Variants in FOXP2 observed in about 807,000 individuals in gnomAD.
FOXP2 encodes the protein forkhead box P2, also known as forkhead box protein P2.
In FOXP2, 12 loss-of-function variants were observed where a neutral mutation model predicts 115.8. The ratio of observed to expected loss-of-function variants is 0.10; its 90% confidence interval spans 0.07 to 0.17. FOXP2 has a LOEUF of 0.17. Ranked by LOEUF, FOXP2 falls within the 10% of genes least tolerant of loss-of-function variation. The pLI is 1.00. For missense variants in FOXP2, 629 were observed against 843.5 expected (o/e 0.75, Z 3.15); for synonymous variants, 328 against 297.7 (o/e 1.10, Z -1.05).
chr7:114,519,549 A>G (rs1229194912), intron 2 of FOXP2, among the ~76,000 whole-genome samples: 3 of 152,156 alleles, frequency 2.0e-5, no homozygotes, highest in Non-Finnish European at 4.4e-5. Context: ...TTCAACATAA[A>G]GATGATCAGA....
At chr7:114,135,492 C>T (rs932062043) in intron 1 of FOXP2, among the ~76,000 whole-genome samples, 3 of 152,048 alleles carry the variant, frequency 2.0e-5, no homozygotes, top group Admixed American at 1.3e-4. Flanking sequence ...ACTTTCTGCT[C>T]AGCTTCTTTC....
At chr7:114,557,963 C>T (rs1255386043) in intron 3 of FOXP2, among the ~76,000 whole-genome samples, 3 of 151,986 alleles carry the variant, frequency 2.0e-5, no homozygotes, top group Non-Finnish European at 4.4e-5. Flanking sequence ...TGCCCACCAC[C>T]ACACCTGGCT....
chr7:114,581,075 G>GCACACACACACACACACA (rs3028257), intron 3 of FOXP2, among the ~76,000 whole-genome samples: 2 of 144,664 alleles, frequency 1.4e-5, no homozygotes, highest in Non-Finnish European at 3.0e-5. Flanking sequence ...ATAAACACAT[G>GCACACACACACACACACA]CACACACACA....
chr7:114,210,440 T>G (rs192438630), intron 1 of FOXP2, among the ~76,000 whole-genome samples: 19 of 152,248 alleles, frequency 1.2e-4, no homozygotes, highest in Non-Finnish European at 2.4e-4. Context: ...CAGACCCCAG[T>G]TGCCTCAGTT....
intron 2 of FOXP2, among the ~76,000 whole-genome samples, chr7:114,490,257 C>G (rs1331029011): frequency 6.6e-6 from 1 of 152,018 alleles, no homozygotes; most frequent in Non-Finnish European, 1.5e-5. Flanking sequence ...AGCTATCAAA[C>G]TGTGAAAAGA....
At chr7:114,677,172 C>CAAAAAAAA (rs538753120) in intron 16 of FOXP2, among the ~76,000 whole-genome samples, 1 of 52,902 alleles carries the variant, frequency 1.9e-5, no homozygotes, top group African/African-American at 5.8e-5. Flanking sequence ...TCTCAAAAAA[C>CAAAAAAAA]AAAAAAAAAA....
At chr7:114,239,099 C>T (rs1795087087) in intron 1 of FOXP2, among the ~76,000 whole-genome samples, 1 of 151,744 alleles carries the variant, frequency 6.6e-6, no homozygotes, top group South Asian at 2.1e-4. Flanking sequence ...TATTTAATAA[C>T]TATTTTCTAT....
At chr7:114,288,186 T>A (rs1297673184) in intron 2 of FOXP2, 4 of 426,554 alleles carry the variant, frequency 9.4e-6, no homozygotes, top group African/African-American at 6.2e-5. Flanking sequence ...TTTTACTCTT[T>A]AGTTTTTTTG....
rs114907638 is a variant in FOXP2, at chr7:114,353,050, A to G, written c.-11+64941A>G. 2.6e-3 allele frequency among the ~76,000 whole-genome samples: 394 copies of G among 152,104 alleles called. 1 individual carries two copies. Among genetic ancestry groups the G allele is most frequent in the African/African-American group, 9.2e-3 (381 of 41,500 alleles). ...AAGTAACTAATTCCTATCAAATGGG[A>G]TAGGTTTTCTTCATAGACTCCACAT... On this transcript the variant is annotated intron_variant, in intron 2 of 17. Coordinates refer to the FOXP2 transcript ENST00000634411.
chr7:114,470,360 C>T (rs1199443452), intron 2 of FOXP2, among the ~76,000 whole-genome samples: 1 of 152,164 alleles, frequency 6.6e-6, no homozygotes, highest in Non-Finnish European at 1.5e-5. Flanking sequence ...TTAACTAAAA[C>T]ATCCCTTCTT....
chr7:114,426,112 T>C (rs1249838004), intron 1 of FOXP2, among the ~76,000 whole-genome samples: 3 of 151,686 alleles, frequency 2.0e-5, no homozygotes, highest in South Asian at 4.1e-4. Flanking sequence ...ATATTTAAAA[T>C]AAGGCTGTAT....
chr7:114,396,442 G>C (rs1005331298), intron 2 of FOXP2, among the ~76,000 whole-genome samples: 5 of 152,068 alleles, frequency 3.3e-5, no homozygotes, highest in African/African-American at 1.2e-4. Flanking sequence ...TGTGAACAGT[G>C]CTGCAATAAA....
intron 3 of FOXP2, among the ~76,000 whole-genome samples, chr7:114,547,684 G>A (rs1308094958): frequency 3.3e-5 from 5 of 152,018 alleles, no homozygotes; most frequent in Admixed American, 6.6e-5. Flanking sequence ...TCTCAAACCC[G>A]GGAGGCGGAG....
At chr7:114,211,798 C>T (rs1794358221) in intron 1 of FOXP2, among the ~76,000 whole-genome samples, 1 of 152,078 alleles carries the variant, frequency 6.6e-6, no homozygotes, top group South Asian at 2.1e-4. Context: ...TTCTGCCGGG[C>T]ACGATGGCTC....
chr7:114,563,992 G>C (rs1486259175), intron 3 of FOXP2, among the ~76,000 whole-genome samples: 2 of 152,144 alleles, frequency 1.3e-5, no homozygotes, highest in South Asian at 2.1e-4. Context: ...ACTGTCTAAT[G>C]AATCTTTGGG....
chr7:114,444,303 G>A (rs551910529), intron 2 of FOXP2, among the ~76,000 whole-genome samples: 1 of 152,026 alleles, frequency 6.6e-6, no homozygotes, highest in Non-Finnish European at 1.5e-5. Flanking sequence ...GAAAAACATA[G>A]GACACTTAAT....
intron 1 of FOXP2, among the ~76,000 whole-genome samples, chr7:114,227,784 T>G (rs1250877062): frequency 6.6e-6 from 1 of 152,006 alleles, no homozygotes; most frequent in Non-Finnish European, 1.5e-5. Context: ...TGGAAAATTT[T>G]AAACTAGACA....
intron 2 of FOXP2, among the ~76,000 whole-genome samples, chr7:114,470,264 A>G (rs1329843077): frequency 6.6e-6 from 1 of 152,112 alleles, no homozygotes; most frequent in African/African-American, 2.4e-5. Context: ...TTTGTTCAAA[A>G]TCTTCCTTCT....
intron 1 of FOXP2, among the ~76,000 whole-genome samples, chr7:114,256,802 A>G (rs1049113629): frequency 6.6e-6 from 1 of 152,260 alleles, no homozygotes; most frequent in African/African-American, 2.4e-5. Context: ...GAGAGGGTAC[A>G]AACAAATGGA....
Sources: gnomAD v4.1 joint callset for allele counts (sites outside exome capture counted in the v4.1 genomes callset) on GRCh38, gnomAD v4.1.1 for gene constraint, MANE v1.5 for transcripts, NCBI Gene and HGNC (gene_info 2026-07-23, HGNC 2026-07-21) for gene names.